CNTNAP2: variants seen among roughly 807,000 people sequenced by gnomAD.
CNTNAP2 encodes the protein contactin-associated protein-like 2.
In CNTNAP2, 98 loss-of-function variants were observed where a neutral mutation model predicts 155.2. The observed-to-expected ratio is 0.63, with a 90% CI of 0.54 to 0.75. The LOEUF (loss-of-function observed/expected upper bound fraction) is 0.75. CNTNAP2 is among the 30% of genes least tolerant of loss of function. The pLI is 0.00. For missense variants in CNTNAP2, 1,727 were observed against 1,688.1 expected, an observed-to-expected ratio of 1.02 and a Z score of -0.40; for synonymous variants, 651 against 631.2, an observed-to-expected ratio of 1.03 and a Z score of -0.47.
intron 8 of CNTNAP2, among the ~76,000 whole-genome samples, chr7:147,169,135 A>G (rs1451719699): frequency 2.0e-5 from 3 of 152,304 alleles, no homozygotes; most frequent in Middle Eastern, 3.4e-3. Context: ...TCCAAACACT[A>G]CATTTTCCAT....
chr7:147,616,531 C>T (rs1027044426), intron 12 of CNTNAP2, among the ~76,000 whole-genome samples: 6 of 152,110 alleles, frequency 3.9e-5, no homozygotes, highest in Admixed American at 6.5e-5. Context: ...ATTATTCCTG[C>T]TTCATGGCCT....
At chr7:146,209,324 A>C (rs1028478420) in intron 1 of CNTNAP2, among the ~76,000 whole-genome samples, 1 of 152,170 alleles carries the variant, frequency 6.6e-6, no homozygotes, top group Non-Finnish European at 1.5e-5. Context: ...TGGGCACTGC[A>C]TGCAAAACTT....
At chr7:147,324,836 C>A (rs1172261556) in intron 9 of CNTNAP2, among the ~76,000 whole-genome samples, 2 of 151,890 alleles carry the variant, frequency 1.3e-5, no homozygotes, top group African/African-American at 4.8e-5. Flanking sequence ...CAGTGAAGAC[C>A]TAACTGGCTA....
chr7:146,706,796 C>T (rs1339797190), intron 1 of CNTNAP2, among the ~76,000 whole-genome samples: 1 of 151,094 alleles, frequency 6.6e-6, no homozygotes, highest in East Asian at 2.0e-4. Flanking sequence ...GGGAGAGGAT[C>T]AGGAAAAATA....
intron 1 of CNTNAP2, among the ~76,000 whole-genome samples, chr7:146,471,181 G>A (rs1255832930): frequency 6.6e-6 from 1 of 152,152 alleles, no homozygotes; most frequent in Admixed American, 6.5e-5. Context: ...TCTTAATCCA[G>A]GTTCACTAGA....
chr7:147,011,340 G>C (rs1402052636), intron 3 of CNTNAP2, among the ~76,000 whole-genome samples: 11 of 150,194 alleles, frequency 7.3e-5, no homozygotes, highest in Non-Finnish European at 1.2e-4. Context: ...CTTGAACCTG[G>C]GAGGCGAGGC....
intron 21 of CNTNAP2, among the ~76,000 whole-genome samples, chr7:148,283,748 G>A (rs138083989): frequency 3.3e-5 from 5 of 152,212 alleles, no homozygotes; most frequent in African/African-American, 9.6e-5. Flanking sequence ...AGCACAAGAC[G>A]CTGCGATCTG....
At chr7:147,557,031 G>A (rs1432651083) in intron 11 of CNTNAP2, among the ~76,000 whole-genome samples, 3 of 150,660 alleles carry the variant, frequency 2.0e-5, no homozygotes, top group African/African-American at 2.5e-5. Context: ...GCGGGGGTCG[G>A]GAGGCTGAGG....
chr7:148,157,667 A>G (rs1338060067), intron 17 of CNTNAP2, among the ~76,000 whole-genome samples: 1 of 151,578 alleles, frequency 6.6e-6, no homozygotes, highest in African/African-American at 2.4e-5. Context: ...AGTCTTCCTG[A>G]TATCAAATTG....
At chr7:146,379,555 T>C (rs1387239950) in intron 1 of CNTNAP2, among the ~76,000 whole-genome samples, 1 of 152,188 alleles carries the variant, frequency 6.6e-6, no homozygotes, top group African/African-American at 2.4e-5. Flanking sequence ...CTTGAGGAAT[T>C]TGGCAATAGG....
intron 15 of CNTNAP2, among the ~76,000 whole-genome samples, chr7:148,054,130 A>G (rs1802961783): frequency 1.3e-5 from 2 of 151,316 alleles, no homozygotes; most frequent in South Asian, 2.1e-4. Flanking sequence ...CCGCCACCAC[A>G]CCCGGCTAAT....
intron 4 of CNTNAP2, among the ~76,000 whole-genome samples, chr7:147,064,508 A>G (rs1022002540): frequency 9.9e-5 from 15 of 152,054 alleles, no homozygotes; most frequent in Admixed American, 2.0e-4. Flanking sequence ...GAGATTTGAC[A>G]TTTTCCCTGT....
chr7:146,759,657 A>G (rs1247736130), intron 1 of CNTNAP2, among the ~76,000 whole-genome samples: 1 of 128,966 alleles, frequency 7.8e-6, no homozygotes, highest in East Asian at 2.6e-4. Flanking sequence ...ACAGCACTCC[A>G]TCCTGGCAAC....
At chr7:147,885,802 G>A (rs1225347559) in intron 13 of CNTNAP2, among the ~76,000 whole-genome samples, 4 of 152,168 alleles carry the variant, frequency 2.6e-5, no homozygotes, top group Non-Finnish European at 5.9e-5. Context: ...CTAGAAGCTG[G>A]AGTACAGAAT....
At chr7:146,747,150 A>G (rs1801822894) in intron 1 of CNTNAP2, among the ~76,000 whole-genome samples, 1 of 152,170 alleles carries the variant, frequency 6.6e-6, no homozygotes, top group African/African-American at 2.4e-5. Context: ...CTTTATGTGC[A>G]TGGCTATCTG....
chr7:147,575,092 C>T (rs547430996), intron 12 of CNTNAP2, among the ~76,000 whole-genome samples: 90 of 149,060 alleles, frequency 6.0e-4, no homozygotes, highest in African/African-American at 2.1e-3. Context: ...CATATTCTCC[C>T]GGTCTTTGTG....
At chr7:147,632,435 T>C (rs1055737104) in intron 12 of CNTNAP2, among the ~76,000 whole-genome samples, 1 of 152,166 alleles carries the variant, frequency 6.6e-6, no homozygotes, top group Non-Finnish European at 1.5e-5. Flanking sequence ...AAGTTAGTTC[T>C]CACGAGATCT....
chr7:146,858,727 T>G (rs1795040311), intron 3 of CNTNAP2, among the ~76,000 whole-genome samples: 1 of 152,120 alleles, frequency 6.6e-6, no homozygotes, highest in Admixed American at 6.5e-5. Flanking sequence ...CTATAAAATT[T>G]AGCTACCCCA....
intron 1 of CNTNAP2, among the ~76,000 whole-genome samples, chr7:146,604,661 C>A (rs1344968713): frequency 7.8e-6 from 1 of 128,238 alleles, no homozygotes; most frequent in Non-Finnish European, 1.6e-5. Context: ...ATAGCAAAGA[C>A]TTGGAACCAA....
Sources: gnomAD v4.1 joint callset for allele counts (sites outside exome capture counted in the v4.1 genomes callset) on GRCh38, gnomAD v4.1.1 for gene constraint, MANE v1.5 for transcripts, NCBI Gene and HGNC (gene_info 2026-07-23, HGNC 2026-07-21) for gene names.